MACF1: variants seen among roughly 807,000 people sequenced by gnomAD.
The protein encoded by MACF1 is microtubule-actin cross-linking factor 1.
In MACF1, 193 loss-of-function variants were observed where a neutral mutation model predicts 854.8. The ratio of observed to expected loss-of-function variants is 0.23; its 90% CI spans 0.20 to 0.25. MACF1 has a LOEUF of 0.25. Among genes scored for constraint, MACF1 ranks in the 10% least tolerant of loss-of-function variants. MACF1 has a pLI of 1.00. For synonymous variants in MACF1, 3,185 were observed against 3,226.7 expected (o/e 0.99, Z 0.44); for missense variants, 7,722 against 8,929.1 (o/e 0.86, Z 5.45).
Position 39,304,567 on chromosome 1 carries a change from T to C in MACF1, c.2789+1489T>C. ...TCCTTTCAAATTTTCTTTTCTTTCT[T>C]TTTTTTTTTTTCTTGAGACAGAGCC... On this transcript the variant is annotated intron_variant, in intron 23 of 100. Coordinates refer to ENST00000564288, the MANE Select transcript of MACF1 (RefSeq NM_001394062.1). 3.8e-6 allele frequency: 3 copies of C among 781,986 alleles called. No homozygotes were observed. The South Asian group carries it at 4.9e-5, about 13-fold the overall frequency. The allele number at this position is 781,986 out of a possible 1,614,324, so 48.4% of individuals were successfully genotyped here.
At chr1:39,279,880 T>G (rs919138184) in intron 6 of MACF1, among the ~76,000 whole-genome samples, 1 of 152,198 alleles carries the variant, frequency 6.6e-6, no homozygotes. Context: ...TTTTATACTT[T>G]TTATTATAAA....
At chr1:39,428,476 A>G (rs1441157514) in intron 63 of MACF1, among the ~76,000 whole-genome samples, 189 bp downstream of exon 63, 1 of 152,176 alleles carries the variant, frequency 6.6e-6, no homozygotes, top group Non-Finnish European at 1.5e-5. Flanking sequence ...AAATACTTAT[A>G]TTTAACAAGT....
At position 39,361,278 on chromosome 1, in the gene MACF1, G is replaced by C. The variant is rs1569701728; in HGVS notation, c.12454-82G>C. ...TGCAGTCCTCCAGTCCCCCTTGTGA[G>C]ATAGCATATAGTTATTAGTTTGTGG... is the stretch of plus-strand genomic sequence containing the variant. On this transcript the variant is annotated intron_variant, in intron 48 of 100. Transcript: ENST00000564288. 5 of 1,357,652 alleles carry C rather than the reference G, an allele frequency of 3.7e-6. No individual in the cohort carries two copies. In the East Asian group the frequency reaches 1.2e-4, roughly 31 times the overall value. The allele number at this position is 1,357,652 out of a possible 1,614,324, so 84.1% of individuals were successfully genotyped here.
At chr1:39,117,590 G>T (rs988741604) in intron 2 of MACF1, among the ~76,000 whole-genome samples, 5 of 149,622 alleles carry the variant, frequency 3.3e-5, no homozygotes, top group Admixed American at 2.0e-4. Flanking sequence ...CTTGCCTGTG[G>T]CTTCACCTGT....
intron 97 of MACF1, among the ~76,000 whole-genome samples, chr1:39,474,563 G>A (rs564403013): frequency 2.6e-4 from 39 of 151,344 alleles, no homozygotes; most frequent in African/African-American, 9.2e-4. Context: ...GCCTGGTGGT[G>A]TACACATGTA....
chr1:39,417,130 T>C (rs575564428), intron 58 of MACF1, among the ~76,000 whole-genome samples: 1 of 152,368 alleles, frequency 6.6e-6, no homozygotes, highest in East Asian at 1.9e-4. Context: ...TATGTCTGTA[T>C]GTATATGTGC....
intron 2 of MACF1, among the ~76,000 whole-genome samples, chr1:39,123,008 G>A (rs1242511451): frequency 1.3e-5 from 2 of 152,014 alleles, no homozygotes; most frequent in African/African-American, 4.8e-5. Context: ...AGAAACAAAG[G>A]ACTAATTAGG....
intron 99 of MACF1, among the ~76,000 whole-genome samples, 154 bp from the exon 100 acceptor site, chr1:39,484,447 C>G (rs997115575): frequency 6.6e-6 from 1 of 151,976 alleles, no homozygotes; most frequent in Non-Finnish European, 1.5e-5. Context: ...AATATATGAC[C>G]TAGGATACTT....
chr1:39,412,041 G>C (rs900625007), intron 58 of MACF1: 6 of 1,613,918 alleles, frequency 3.7e-6, no homozygotes, highest in Admixed American at 1.7e-5. Context: ...CAGCTGATCT[G>C]GATTCACTGG....
intron 2 of MACF1, among the ~76,000 whole-genome samples, chr1:39,140,580 T>C (rs1401439191): frequency 6.6e-6 from 1 of 152,126 alleles, no homozygotes; most frequent in Admixed American, 6.6e-5. Flanking sequence ...AATTGTAAAA[T>C]GGATCAAAGA....
chr1:39,201,835 C>G (rs1644393010), upstream of MACF1, among the ~76,000 whole-genome samples: 1 of 152,012 alleles, frequency 6.6e-6, no homozygotes, highest in Non-Finnish European at 1.5e-5. Flanking sequence ...TCAGGTCCAG[C>G]CATTCTAGGT....
chr1:39,319,539 A>G (rs937725218), intron 30 of MACF1, 125 bp from the exon 31 acceptor site: 5 of 643,258 alleles, frequency 7.8e-6, no homozygotes, highest in Non-Finnish European at 1.3e-5. Flanking sequence ...ATGTGTTTTA[A>G]CCACCCTTTC....
chr1:39,232,754 T>TTTTTTTTTTTTTTTG (rs1557532231), intron 2 of MACF1, among the ~76,000 whole-genome samples: 3 of 58,324 alleles, frequency 5.1e-5, no homozygotes, highest in East Asian at 5.6e-4. Flanking sequence ...TTGTTTTTTT[T>TTTTTTTTTTTTTTTG]TTTTTTTTTT....
chr1:39,413,021 G>A, intron 58 of MACF1: 1 of 1,584,174 alleles, frequency 6.3e-7, no homozygotes, highest in Non-Finnish European at 8.6e-7. Flanking sequence ...GTCCCTGAAG[G>A]GACTGCTGCA....
intron 58 of MACF1, among the ~76,000 whole-genome samples, chr1:39,407,749 GTGT>G (rs532049458): frequency 2.0e-3 from 306 of 152,318 alleles, no homozygotes; most frequent in Non-Finnish European, 2.9e-3. Context: ...CATACACCAG[GTGT>G]TGGTTTCACT....
chr1:39,310,461 T>C (rs1450246573), intron 25 of MACF1, 33 bp downstream of exon 25: 2 of 1,591,810 alleles, frequency 1.3e-6, no homozygotes, highest in Non-Finnish European at 1.7e-6. Flanking sequence ...AAGAGAATAG[T>C]AGAATGAGAG....
At chr1:39,244,043 A>G (rs1297016178) in intron 2 of MACF1, among the ~76,000 whole-genome samples, 1 of 151,630 alleles carries the variant, frequency 6.6e-6, no homozygotes, top group Non-Finnish European at 1.5e-5. Flanking sequence ...ATCTCTTTGC[A>G]TTCTCCTCTC....
chr1:39,393,196 A>AAT (rs1553345251), intron 58 of MACF1, among the ~76,000 whole-genome samples: 8,139 of 66,354 alleles, frequency 0.12, 643 homozygotes, highest in Non-Finnish European at 0.15. Context: ...AAAAAAAAAA[A>AAT]ATATATATAT....
chr1:39,233,010 G>A (rs893177430), intron 2 of MACF1, among the ~76,000 whole-genome samples: 1 of 117,160 alleles, frequency 8.5e-6, no homozygotes. Context: ...TCTTGTTTTT[G>A]TTGTTGTTGT....
Sources: gnomAD v4.1 joint callset for allele counts (sites outside exome capture counted in the v4.1 genomes callset) on GRCh38, gnomAD v4.1.1 for gene constraint, MANE v1.5 for transcripts, NCBI Gene and HGNC (gene_info 2026-07-23, HGNC 2026-07-21) for gene names.